Variants in RANBP2 observed in about 807,000 individuals in gnomAD.
The protein encoded by RANBP2 is E3 SUMO-protein ligase RanBP2.
RANBP2 carries 57 observed loss-of-function variants against 303.6 expected under a neutral mutation model. That is an observed-to-expected ratio of 0.19 (90% CI 0.15 to 0.23). The LOEUF is 0.23. Among genes scored for constraint, RANBP2 ranks in the 10% least tolerant of loss-of-function variants. The probability of loss-of-function intolerance (pLI) is 1.00; values close to 1 mark genes in which losing one functional copy is unlikely to be tolerated. For missense variants in RANBP2, 3,138 were observed against 3,780.8 expected (o/e 0.83, Z 4.46); for synonymous variants, 1,167 against 1,301.5 (o/e 0.90, Z 2.23).
the RANBP2 span, among the ~76,000 whole-genome samples, chr2:109,078,276 A>ATATATATATATATATATATATAGCGTG: frequency 1.3e-5 from 1 of 76,804 alleles, no homozygotes; most frequent in African/African-American, 6.4e-5. Context: ...GCGTATATAT[A>ATATATATATATATATATATATAGCGTG]TATATATATA....
chr2:108,896,646 G>A, the RANBP2 span: 3 of 488,988 alleles, frequency 6.1e-6, no homozygotes, highest in East Asian at 9.9e-5. Flanking sequence ...GGGCTGGTGG[G>A]CTGGCTGTAT....
the RANBP2 span, among the ~76,000 whole-genome samples, chr2:109,257,972 C>G: frequency 6.7e-6 from 1 of 149,270 alleles, no homozygotes; most frequent in Non-Finnish European, 1.5e-5. Flanking sequence ...GCATTTCTTT[C>G]CCTGCTTGAT....
intron 7 of RANBP2, among the ~76,000 whole-genome samples, chr2:108,742,241 G>A (rs942847647): frequency 2.6e-5 from 4 of 151,414 alleles, no homozygotes; most frequent in South Asian, 2.1e-4. Context: ...GGTGATCTTC[G>A]CGCCTCAGCC....
the RANBP2 span, among the ~76,000 whole-genome samples, chr2:108,853,528 CTTT>C: frequency 4.3e-5 from 6 of 139,084 alleles, no homozygotes; most frequent in Admixed American, 7.3e-5. Flanking sequence ...TGATAGCTTT[CTTT>C]TTTTTTTTTT....
At chr2:109,096,962 C>T in the RANBP2 span, among the ~76,000 whole-genome samples, 8 of 152,060 alleles carry the variant, frequency 5.3e-5, no homozygotes, top group Non-Finnish European at 8.8e-5. Flanking sequence ...CCGTCTCTAA[C>T]CAATCAGCAC....
At chr2:109,403,457 G>A in the RANBP2 span, among the ~76,000 whole-genome samples, 1 of 152,212 alleles carries the variant, frequency 6.6e-6, no homozygotes, top group African/African-American at 2.4e-5. Flanking sequence ...GACACCTCAG[G>A]GCTGTACTTC....
chr2:109,722,598 A>C, the RANBP2 span, among the ~76,000 whole-genome samples: 1 of 152,208 alleles, frequency 6.6e-6, no homozygotes, highest in Admixed American at 6.5e-5. Context: ...TGTTAAGCCC[A>C]GCATCCATTA....
the RANBP2 span, among the ~76,000 whole-genome samples, chr2:109,552,124 T>C: frequency 6.6e-6 from 1 of 152,204 alleles, no homozygotes; most frequent in African/African-American, 2.4e-5. Context: ...TGAGGGATCT[T>C]GGTTGTGCGC....
At chr2:109,515,570 C>T in the RANBP2 span, among the ~76,000 whole-genome samples, 1 of 152,168 alleles carries the variant, frequency 6.6e-6, no homozygotes, top group East Asian at 1.9e-4. Flanking sequence ...CTCATCCCCT[C>T]AGCCAGATCT....
chr2:109,033,912 C>T, the RANBP2 span, among the ~76,000 whole-genome samples: 12 of 146,792 alleles, frequency 8.2e-5, no homozygotes, highest in African/African-American at 3.0e-4. Context: ...GCCGAGATTG[C>T]ACCACTGCAC....
chr2:109,443,717 A>G, the RANBP2 span, among the ~76,000 whole-genome samples: 2 of 152,240 alleles, frequency 1.3e-5, no homozygotes, highest in Admixed American at 1.3e-4. Flanking sequence ...CTAAATATTT[A>G]TACACCAAGT....
At chr2:109,077,293 CAT>C in the RANBP2 span, among the ~76,000 whole-genome samples, 16 of 150,570 alleles carry the variant, frequency 1.1e-4, no homozygotes, top group African/African-American at 3.9e-4. Flanking sequence ...TACACGGAAA[CAT>C]AGAGAAAAAT....
chr2:109,528,304 C>G, the RANBP2 span, among the ~76,000 whole-genome samples: 1 of 152,278 alleles, frequency 6.6e-6, no homozygotes, highest in Admixed American at 6.5e-5. Flanking sequence ...CAGCCCAGCA[C>G]AAGGCCCAGC....
chr2:108,865,266 A>G, the RANBP2 span, among the ~76,000 whole-genome samples: 9 of 152,190 alleles, frequency 5.9e-5, no homozygotes, highest in African/African-American at 2.2e-4. Flanking sequence ...GGCTGTTTCT[A>G]GTCTTTGGCT....
At chr2:109,391,615 A>G in the RANBP2 span, among the ~76,000 whole-genome samples, 1 of 152,216 alleles carries the variant, frequency 6.6e-6, no homozygotes, top group Non-Finnish European at 1.5e-5. Flanking sequence ...AGGGAGCATC[A>G]GTCCAGAGTG....
the RANBP2 span, among the ~76,000 whole-genome samples, chr2:109,099,180 G>A: frequency 1.0e-3 from 158 of 152,320 alleles, 1 homozygote; most frequent in African/African-American, 3.5e-3. Context: ...AAGGTGGGGC[G>A]TGTGCATAGT....
the RANBP2 span, chr2:109,615,208 G>A: frequency 2.6e-6 from 4 of 1,546,960 alleles, no homozygotes; most frequent in African/African-American, 2.7e-5. Context: ...AGAGGCGGGG[G>A]CGACTCAGAC....
chr2:108,848,172 A>G, the RANBP2 span, among the ~76,000 whole-genome samples: 2 of 152,346 alleles, frequency 1.3e-5, no homozygotes, highest in African/African-American at 4.8e-5. Flanking sequence ...TTTAACTAAG[A>G]TGTTTGAAAT....
chr2:109,081,782 T>C, the RANBP2 span, among the ~76,000 whole-genome samples: 1 of 152,350 alleles, frequency 6.6e-6, no homozygotes, highest in East Asian at 1.9e-4. Context: ...GAGCCCTTTT[T>C]GCAACCACAG....
Sources: allele counts gnomAD v4.1 joint callset (sites outside exome capture counted in the v4.1 genomes callset), GRCh38; gene constraint gnomAD v4.1.1; transcripts MANE v1.5; gene names NCBI Gene and HGNC (gene_info 2026-07-23, HGNC 2026-07-21).